CCSER1: variants seen among roughly 807,000 people sequenced by gnomAD.
The protein encoded by CCSER1 is coiled-coil serine rich protein 1.
Under a neutral mutation model 82.0 loss-of-function variants are expected in CCSER1, and 41 were observed. The observed-to-expected ratio is 0.50, with a 90% CI of 0.39 to 0.65. The LOEUF (loss-of-function observed/expected upper bound fraction) is 0.65. Ranked by LOEUF, CCSER1 falls within the 30% of genes least tolerant of loss-of-function variation. The pLI is 0.00. For synonymous variants in CCSER1, 414 were observed against 383.9 expected (o/e 1.08, Z -0.92); for missense variants, 1,119 against 1,064.2 (o/e 1.05, Z -0.72).
At chr4:90,221,249 G>A (rs1428921971) in intron 1 of CCSER1, among the ~76,000 whole-genome samples, 2 of 152,128 alleles carry the variant, frequency 1.3e-5, no homozygotes, top group Non-Finnish European at 2.9e-5. Context: ...ATTGTGGAGA[G>A]AGTAGATAAT....
chr4:90,312,125 A>G (rs1735391985), intron 2 of CCSER1, among the ~76,000 whole-genome samples: 1 of 152,230 alleles, frequency 6.6e-6, no homozygotes, highest in South Asian at 2.1e-4. Context: ...AACTTAAATA[A>G]TAAGTCATAC....
At chr4:90,849,738 G>A (rs1376796655) in intron 8 of CCSER1, among the ~76,000 whole-genome samples, 2 of 149,002 alleles carry the variant, frequency 1.3e-5, no homozygotes, top group Admixed American at 6.7e-5. Context: ...GCAGTGAGCC[G>A]TGATCGTGCC....
At chr4:90,317,609 G>A (rs2153484710) in intron 3 of CCSER1, among the ~76,000 whole-genome samples, 1 of 152,188 alleles carries the variant, frequency 6.6e-6, no homozygotes, top group East Asian at 1.9e-4. Flanking sequence ...ACAACAAAGT[G>A]AAACTCTGTC....
At chr4:91,393,437 C>T (rs1751782833) in intron 10 of CCSER1, among the ~76,000 whole-genome samples, 1 of 151,880 alleles carries the variant, frequency 6.6e-6, no homozygotes, top group Admixed American at 6.6e-5. Context: ...AAAGTAAGTG[C>T]CCTTGATGGG....
chr4:90,365,516 C>T (rs1461760452), intron 3 of CCSER1, among the ~76,000 whole-genome samples: 1 of 151,716 alleles, frequency 6.6e-6, no homozygotes, highest in Non-Finnish European at 1.5e-5. Context: ...ATTGTATGTA[C>T]ATAGGATGAT....
intron 6 of CCSER1, among the ~76,000 whole-genome samples, chr4:90,711,408 C>G (rs747053197): frequency 1.3e-5 from 2 of 151,986 alleles, no homozygotes; most frequent in Admixed American, 6.6e-5. Context: ...TGTCTTGTGC[C>G]AGTTTTCAAG....
intron 7 of CCSER1, among the ~76,000 whole-genome samples, chr4:90,758,783 A>T (rs776716620): frequency 1.2e-4 from 19 of 152,204 alleles, no homozygotes; most frequent in Non-Finnish European, 2.5e-4. Flanking sequence ...TCTTGAGGAT[A>T]TTAAAATATA....
At chr4:90,914,296 C>G (rs148514265) in intron 8 of CCSER1, among the ~76,000 whole-genome samples, 7,498 of 152,246 alleles carry the variant, frequency 0.049, 529 homozygotes, top group African/African-American at 0.15. Flanking sequence ...CAAACTATCT[C>G]TCAAACCACA....
At chr4:90,906,140 C>G (rs1277281562) in intron 8 of CCSER1, among the ~76,000 whole-genome samples, 2 of 152,140 alleles carry the variant, frequency 1.3e-5, no homozygotes, top group Admixed American at 6.6e-5. Flanking sequence ...AGTAATTCCT[C>G]TAGTCACGTG....
intron 10 of CCSER1, among the ~76,000 whole-genome samples, chr4:91,174,041 AC>A (rs1733046749): frequency 6.6e-6 from 1 of 152,206 alleles, no homozygotes; most frequent in Non-Finnish European, 1.5e-5. Context: ...ACAAGACAAA[AC>A]TACCTTTAAT....
At chr4:90,707,295 T>C (rs1490360702) in intron 6 of CCSER1, among the ~76,000 whole-genome samples, 1 of 152,040 alleles carries the variant, frequency 6.6e-6, no homozygotes, top group Non-Finnish European at 1.5e-5. Flanking sequence ...GTGTAGTCAT[T>C]CACAGTGCAC....
rs1727680914 is a variant in CCSER1 at position 90,276,253 on chromosome 4, T to TCTTTCTTTCTTC, written c.-41-31990_-41-31989insTTTCTTTCTTCC. ...TTCTTTCTTTCTTTCTTTCTTTCTT[T>TCTTTCTTTCTTC]CCTTCCTTCCTTCCTTCCTTCCTTC... On this transcript the variant is annotated intron_variant, in intron 1 of 10. Coordinates refer to ENST00000509176, the MANE Select transcript of CCSER1 (RefSeq NM_001145065.2). Among the ~76,000 whole-genome samples the TCTTTCTTTCTTC allele has an allele frequency of 7.7e-4, 61 of 79,086 alleles. 1 individual carries two copies. Among genetic ancestry groups the TCTTTCTTTCTTC allele is most frequent in the African/African-American group, 3.1e-3 (57 of 18,588 alleles). 51.9% of individuals were successfully genotyped at this position (79,086 alleles called of 152,430 possible).
At chr4:91,161,744 C>G (rs1001229252) in intron 10 of CCSER1, among the ~76,000 whole-genome samples, 1 of 152,042 alleles carries the variant, frequency 6.6e-6, no homozygotes, top group Non-Finnish European at 1.5e-5. Context: ...GATTTTTGCA[C>G]ATTGATTTTC....
intron 10 of CCSER1, among the ~76,000 whole-genome samples, chr4:91,368,802 C>G (rs1749819879): frequency 6.6e-6 from 1 of 152,090 alleles, no homozygotes; most frequent in Admixed American, 6.6e-5. Context: ...ACAAAAATTT[C>G]CCTGTAAATC....
intron 5 of CCSER1, among the ~76,000 whole-genome samples, chr4:90,476,014 C>T (rs1013132944): frequency 1.4e-5 from 2 of 143,830 alleles, no homozygotes; most frequent in Non-Finnish European, 3.1e-5. Context: ...ATTTTTCCTT[C>T]TTTTCTCGTG....
chr4:90,152,648 G>A (rs1471115161), intron 1 of CCSER1, among the ~76,000 whole-genome samples: 1 of 152,098 alleles, frequency 6.6e-6, no homozygotes, highest in East Asian at 1.9e-4. Context: ...CGTGTGTGTA[G>A]AGAGCACTGA....
intron 10 of CCSER1, among the ~76,000 whole-genome samples, chr4:91,402,152 G>T (rs1752381635): frequency 2.6e-5 from 4 of 152,198 alleles, no homozygotes. Context: ...GGGCAGTGAT[G>T]ATGAGCATTT....
chr4:90,470,877 T>C (rs1470346189), intron 5 of CCSER1, among the ~76,000 whole-genome samples: 1 of 152,056 alleles, frequency 6.6e-6, no homozygotes, highest in Middle Eastern at 3.4e-3. Flanking sequence ...CCAAAAGTAT[T>C]TGGTGGCGAT....
At chr4:91,359,213 C>T (rs1749084881) in intron 10 of CCSER1, among the ~76,000 whole-genome samples, 1 of 151,796 alleles carries the variant, frequency 6.6e-6, no homozygotes, top group Non-Finnish European at 1.5e-5. Flanking sequence ...CAGGGAGTTT[C>T]ACAATGCTCT....
Sources: gnomAD v4.1 joint callset for allele counts (sites outside exome capture counted in the v4.1 genomes callset) on GRCh38, gnomAD v4.1.1 for gene constraint, MANE v1.5 for transcripts, NCBI Gene and HGNC (gene_info 2026-07-23, HGNC 2026-07-21) for gene names.